AUTS2: variants seen among roughly 807,000 people sequenced by gnomAD.
AUTS2 encodes autism susceptibility gene 2 protein.
In AUTS2, 17 loss-of-function variants were observed where a neutral mutation model predicts 112.4. That is an observed-to-expected ratio of 0.15 (90% CI 0.10 to 0.23). The LOEUF (loss-of-function observed/expected upper bound fraction) is 0.23. Among genes scored for constraint, AUTS2 ranks in the 10% least tolerant of loss-of-function variants. AUTS2 has a pLI of 1.00. For synonymous variants in AUTS2, 751 were observed against 702.7 expected (o/e 1.07, Z -1.09); for missense variants, 1,510 against 1,701.6 (o/e 0.89, Z 1.98).
At chr7:70,343,255 C>T (rs2129621121) in intron 4 of AUTS2, among the ~76,000 whole-genome samples, 1 of 152,294 alleles carries the variant, frequency 6.6e-6, no homozygotes, top group East Asian at 1.9e-4. Context: ...ACAACCTGGA[C>T]AGACAGGCCC....
chr7:69,714,786 A>G (rs1275482185), intron 1 of AUTS2, among the ~76,000 whole-genome samples: 1 of 152,140 alleles, frequency 6.6e-6, no homozygotes, highest in Non-Finnish European at 1.5e-5. Context: ...AAATTTGTAT[A>G]CCAGTTTGGG....
chr7:70,087,784 A>C (rs1803688722), intron 2 of AUTS2, among the ~76,000 whole-genome samples: 1 of 152,174 alleles, frequency 6.6e-6, no homozygotes, highest in Admixed American at 6.5e-5. Flanking sequence ...TTTGTATAGA[A>C]TTTATATTAT....
intron 2 of AUTS2, among the ~76,000 whole-genome samples, chr7:69,992,846 C>T (rs1342559172): frequency 6.6e-6 from 1 of 152,182 alleles, no homozygotes; most frequent in Non-Finnish European, 1.5e-5. Context: ...GATCGCACCA[C>T]TGCACTCCAG....
intron 2 of AUTS2, among the ~76,000 whole-genome samples, chr7:70,044,216 G>A (rs1801399130): frequency 1.3e-5 from 2 of 152,158 alleles, no homozygotes; most frequent in African/African-American, 4.8e-5. Flanking sequence ...CCTCCAGGCT[G>A]AGCCACAGCT....
chr7:69,788,395 G>A (rs1789470540), intron 1 of AUTS2, among the ~76,000 whole-genome samples: 1 of 152,120 alleles, frequency 6.6e-6, no homozygotes, highest in African/African-American at 2.4e-5. Flanking sequence ...TAGCAGGCTT[G>A]GGGGAAACTA....
intron 5 of AUTS2, among the ~76,000 whole-genome samples, chr7:70,685,175 C>T (rs1452212522): frequency 6.6e-6 from 1 of 152,018 alleles, no homozygotes; most frequent in Non-Finnish European, 1.5e-5. Flanking sequence ...AGATCAGATA[C>T]AGAAAAGTAG....
intron 1 of AUTS2, among the ~76,000 whole-genome samples, chr7:69,600,712 CAT>C (rs754667880): frequency 2.6e-5 from 4 of 151,628 alleles, no homozygotes; most frequent in Non-Finnish European, 4.4e-5. Flanking sequence ...TACATAGGCA[CAT>C]GTGTGTGTGT....
rs1486400726 is a variant in AUTS2 at position 70,270,947 on chromosome 7, C to T, written c.660+136376C>T. 3.9e-5 allele frequency among the ~76,000 whole-genome samples: 6 copies of T among 152,106 alleles called. 1 individual carries two copies. The East Asian group carries it at 1.2e-3, about 29-fold the overall frequency. ...AAGACAGAAGTCCTTGAGCATCCTT[C>T]CCCTGAGTGCGGGCAAGCCTCGTGC... On this transcript the variant is annotated intron_variant, in intron 4 of 18. Transcript: ENST00000342771.
Position 70,030,506 on chromosome 7 carries a change from G to T in AUTS2, c.523-87626G>T, listed in dbSNP as rs147896909. ...TGACATCCTTGGGCTACTCATTTTGGTATTCTCAGATATGCAAAACAGAGA... is the reference window on the plus strand; with the variant it reads ...TGACATCCTTGGGCTACTCATTTTGTTATTCTCAGATATGCAAAACAGAGA... On this transcript the variant is annotated intron_variant, in intron 2 of 18. Transcript: ENST00000342771. Among the ~76,000 whole-genome samples, 542 of 152,202 alleles carry T rather than the reference G, an allele frequency of 3.6e-3. 3 individuals are homozygous for T. The highest frequency in any genetic ancestry group is 6.9e-3 in the Admixed American group (105 of 15,266).
chr7:70,328,608 G>A (rs984438761), intron 4 of AUTS2, among the ~76,000 whole-genome samples: 2 of 152,076 alleles, frequency 1.3e-5, no homozygotes, highest in African/African-American at 4.8e-5. Flanking sequence ...AAGCTGGTGG[G>A]CTAGATGCTT....
intron 7 of AUTS2, 113 bp downstream of exon 7, chr7:70,763,454 A>G (rs1789707292): frequency 2.7e-6 from 2 of 753,650 alleles, no homozygotes; most frequent in Non-Finnish European, 4.3e-6. Flanking sequence ...TGGAAACATC[A>G]TCCTTTTCTC....
chr7:70,531,553 T>C (rs140506270), intron 5 of AUTS2, among the ~76,000 whole-genome samples: 1 of 152,234 alleles, frequency 6.6e-6, no homozygotes, highest in Non-Finnish European at 1.5e-5. Flanking sequence ...GGAGCAGGCA[T>C]GTCATATGGT....
At chr7:70,295,543 C>G (rs759485367) in intron 4 of AUTS2, among the ~76,000 whole-genome samples, 3 of 152,126 alleles carry the variant, frequency 2.0e-5, no homozygotes, top group Non-Finnish European at 4.4e-5. Context: ...ATCCTGAATA[C>G]TGTTCCACAC....
At chr7:70,021,197 G>C (rs1402219651) in intron 2 of AUTS2, among the ~76,000 whole-genome samples, 1 of 151,928 alleles carries the variant, frequency 6.6e-6, no homozygotes, top group Non-Finnish European at 1.5e-5. Flanking sequence ...GGTCAGGCTG[G>C]TCTCGAACTC....
chr7:70,578,909 T>C (rs554001156), intron 5 of AUTS2, among the ~76,000 whole-genome samples: 35 of 143,414 alleles, frequency 2.4e-4, no homozygotes, highest in Non-Finnish European at 4.7e-4. Flanking sequence ...CTTTCCTTTC[T>C]TTCTTTTTTT....
At chr7:70,500,248 C>T (rs1798719739) in intron 5 of AUTS2, among the ~76,000 whole-genome samples, 1 of 151,996 alleles carries the variant, frequency 6.6e-6, no homozygotes, top group South Asian at 2.1e-4. Context: ...GATGCCTTCT[C>T]TGGCCCCTCT....
intron 1 of AUTS2, among the ~76,000 whole-genome samples, chr7:69,698,216 G>A (rs535990468): frequency 2.6e-5 from 4 of 152,260 alleles, no homozygotes; most frequent in South Asian, 2.1e-4. Context: ...GTGTATATGC[G>A]AAAAATTGAG....
intron 5 of AUTS2, among the ~76,000 whole-genome samples, chr7:70,489,312 A>AG (rs1391979396): frequency 6.6e-6 from 1 of 152,256 alleles, no homozygotes; most frequent in Non-Finnish European, 1.5e-5. Context: ...TTATTTAATC[A>AG]GGGGCAACTG....
intron 2 of AUTS2, among the ~76,000 whole-genome samples, chr7:69,917,437 T>C (rs775091754): frequency 6.8e-6 from 1 of 146,036 alleles, no homozygotes; most frequent in Non-Finnish European, 1.5e-5. Flanking sequence ...ATGTGAGAAA[T>C]GTAGTCCTAC....
Sources: allele counts gnomAD v4.1 joint callset (sites outside exome capture counted in the v4.1 genomes callset), GRCh38; gene constraint gnomAD v4.1.1; transcripts MANE v1.5; gene names NCBI Gene and HGNC (gene_info 2026-07-23, HGNC 2026-07-21).